The following DRP2 variants were observed in gnomAD, a reference collection of about 807,000 sequenced individuals.
DRP2 encodes dystrophin related protein 2.
DRP2 carries 29 observed loss-of-function variants against 78.2 expected under a neutral mutation model. That is an observed-to-expected ratio of 0.37 (90% confidence interval 0.28 to 0.51). DRP2 has a LOEUF of 0.51. DRP2 is among the 20% of genes least tolerant of loss of function. The pLI, the probability that DRP2 is intolerant of heterozygous loss-of-function variation, is 0.94. For synonymous variants in DRP2, 290 were observed against 281.9 expected, an observed-to-expected ratio of 1.03 and a Z score of -0.29; for missense variants, 686 against 770.6, an observed-to-expected ratio of 0.89 and a Z score of 1.30.
chrX:101,260,671 C>G lies in DRP2; in HGVS notation c.*50C>G, dbSNP rs370377113. 8.6e-7 allele frequency: 1 copy of G among 1,163,380 alleles called. No homozygotes were observed. The highest frequency in any genetic ancestry group is 1.8e-5 in the African/African-American group (1 of 55,732). ...TTCATAGTCCTCTCCTGGTTCCGGT[C>G]AAAGCCTTTCCTCAGCCTTCACCCA... On this transcript the variant is annotated 3_prime_UTR_variant, in exon 24 of 24. Coordinates refer to ENST00000395209, the MANE Select transcript of DRP2 (RefSeq NM_001939.3).
chrX:101,226,371 T>C (rs1449608354), intron 2 of DRP2, among the ~76,000 whole-genome samples: 2 of 112,192 alleles, frequency 1.8e-5, no homozygotes, highest in African/African-American at 6.5e-5. Flanking sequence ...CAAATTTAAG[T>C]AGCATATGTT....
chrX:101,256,240 C>A lies in DRP2; in HGVS notation c.2369C>A (p.Ala790Asp), dbSNP rs1171697141. The A allele has an allele frequency of 8.4e-7, 1 of 1,196,338 alleles. No homozygotes were observed. The highest frequency in any genetic ancestry group is 2.3e-5 in the Admixed American group (1 of 43,619). Reference sequence around the variant, plus strand: ...AAAGGGGAGCTACAGAAGATCCTGGCCCACTTGGAAGATGAGAACCGGTGG... The same window carrying A: ...AAAGGGGAGCTACAGAAGATCCTGGACCACTTGGAAGATGAGAACCGGTGG... ...ESKGELQKILAHLEDENRILQ... is the reference protein window; with the variant it reads ...ESKGELQKILDHLEDENRILQ... Residue 790 changes from alanine (A) to aspartate (D), a missense_variant, in exon 21 of 24, where the codon GCC (alanine) becomes GAC (aspartate). Ala to Asp is a moderately radical substitution (Grantham distance 126, BLOSUM62 -2). Transcript: ENST00000395209.
Position 101,231,572 on chromosome X carries a change from A to C in DRP2, c.-63-13A>C. The C allele has an allele frequency of 1.1e-6, 1 of 887,952 alleles. No homozygotes were observed. Among genetic ancestry groups the C allele is most frequent in the East Asian group, 3.1e-5 (1 of 32,338 alleles). 73.2% of individuals were successfully genotyped at this position (887,952 alleles called of 1,213,427 possible). The stretch of plus-strand genomic sequence containing the variant: ...AGGTCTTGACTCGAAATCTCTCTGT[A>C]TTGCTTTTCCAGGTGCTTAATGATC... On this transcript the variant is annotated splice_polypyrimidine_tract_variant and intron_variant, in intron 2 of 23. Transcript: ENST00000395209.
intron 6 of DRP2, 86 bp from the exon 7 acceptor site, chrX:101,241,582 A>G: frequency 9.4e-7 from 1 of 1,069,053 alleles, no homozygotes; most frequent in Non-Finnish European, 1.3e-6. Context: ...ACATACACAC[A>G]CATTTTATAA....
chrX:101,235,875 A>C lies in DRP2; in HGVS notation c.133A>C (p.Thr45Pro), dbSNP rs1422723109. Reference protein sequence around the residue: ...CPHPQVRAAVTSPAPPQDGAG... With the variant: ...CPHPQVRAAVPSPAPPQDGAG... ...TTCTGTCCAGGTTAGAGCTGCTGTC[A>C]CCAGCCCTGCACCTCCTCAAGATGG... The change falls in exon 4 of 24, where the codon ACC becomes CCC. Residue 45 changes from threonine (T) to proline (P), a missense_variant. By Grantham distance (38) the Thr-to-Pro change is conservative. Transcript: ENST00000395209. 1 of 1,208,445 alleles carries C rather than the reference A, an allele frequency of 8.3e-7. No homozygotes were observed. The highest frequency in any genetic ancestry group is 3.0e-5 in the East Asian group (1 of 33,753).
chrX:101,246,777 A>G (rs1922948454), intron 11 of DRP2, among the ~76,000 whole-genome samples: 1 of 112,667 alleles, frequency 8.9e-6, no homozygotes, highest in African/African-American at 3.2e-5. Flanking sequence ...ATATACATGT[A>G]TACTATAAAA....
At chrX:101,239,122 C>T in intron 6 of DRP2, 21 bp downstream of exon 6, 1 of 1,202,941 alleles carries the variant, frequency 8.3e-7, no homozygotes. Context: ...TTCTGTTTTT[C>T]CCACTTCTTC....
rs1923574583 is a variant in DRP2, at chrX:101,262,101, TG to T, written c.*1481del. ...AGTATTAATGTTCTGCCTTGCTCTT[TG>T]TTAGCCCCAGCCTCTGGTTGGAAAG... On this transcript the variant is annotated 3_prime_UTR_variant, in exon 24 of 24. Transcript: ENST00000395209. 1 of 112,347 alleles carries T rather than the reference TG, an allele frequency of 8.9e-6. No homozygotes were observed. Among genetic ancestry groups the T allele is most frequent in the South Asian group, 3.7e-4 (1 of 2,692 alleles). The allele number at this position is 112,347 out of a possible 1,213,427, so 9.3% of individuals were successfully genotyped here.
intron 4 of DRP2, among the ~76,000 whole-genome samples, chrX:101,236,579 G>A (rs1376674742): frequency 4.5e-5 from 5 of 111,824 alleles, no homozygotes; most frequent in Admixed American, 3.8e-4. Flanking sequence ...TCAGTTGATC[G>A]GCTTTCCCTA....
At chrX:101,237,920 A>C in intron 5 of DRP2, 145 bp downstream of exon 5, 1 of 568,990 alleles carries the variant, frequency 1.8e-6, no homozygotes. Flanking sequence ...TGTGGCTAGC[A>C]TGCCACAGCC....
chrX:101,259,796 C>A (rs962951264), intron 22 of DRP2, among the ~76,000 whole-genome samples: 11 of 112,299 alleles, frequency 9.8e-5, no homozygotes, highest in African/African-American at 3.2e-4. Flanking sequence ...CCGCGCCCAG[C>A]CTACAATGCC....
At chrX:101,242,535 C>G (rs1415062737) in intron 8 of DRP2, 64 bp downstream of exon 8, 1 of 1,138,179 alleles carries the variant, frequency 8.8e-7, no homozygotes, top group Non-Finnish European at 1.2e-6. Context: ...TTGGGGGAAA[C>G]TTCTTCAGGG....
chrX:101,240,932 A>G (rs1439483448), intron 6 of DRP2, among the ~76,000 whole-genome samples: 4 of 111,730 alleles, frequency 3.6e-5, no homozygotes, highest in Admixed American at 1.9e-4. Context: ...AAATCTACAG[A>G]TTAGGAGCCT....
intron 1 of DRP2, among the ~76,000 whole-genome samples, chrX:101,222,162 C>T (rs925894699): frequency 9.0e-6 from 1 of 110,928 alleles, no homozygotes; most frequent in African/African-American, 3.3e-5. Flanking sequence ...GTGTATGTAA[C>T]GCATATTAAA....
rs993088619 is a variant in DRP2, at chrX:101,251,341, G to A, written c.1865+258G>A. 9 of 250,761 alleles carry A rather than the reference G, an allele frequency of 3.6e-5. No individual in the cohort carries two copies. In the Admixed American group the frequency reaches 5.7e-4, roughly 16 times the overall value. The allele number at this position is 250,761 out of a possible 1,213,427, so 20.7% of individuals were successfully genotyped here. A position where few individuals can be genotyped will look rare whatever the true frequency, so the allele number is the denominator to read the frequency against. ...AATGTATAGAAGAACATAGGTGTAA[G>A]AGCACCTATGTACTAAATGGTATGC... On this transcript the variant is annotated intron_variant, in intron 16 of 23. Coordinates refer to ENST00000395209, the MANE Select transcript of DRP2 (RefSeq NM_001939.3).
At chrX:101,255,290 C>T (rs1923298231) in intron 20 of DRP2, 41 bp downstream of exon 20, 1 of 1,158,677 alleles carries the variant, frequency 8.6e-7, no homozygotes, top group Non-Finnish European at 1.2e-6. Context: ...AATAGTTCTC[C>T]TTGAGATCTT....
rs749115813 is a variant in DRP2 at position 101,258,510 on chromosome X, G to A, written c.2592G>A (p.Glu864=). Residue 864 remains glutamate, a synonymous_variant, in exon 22 of 24, where the codon GAG becomes GAA. Transcript: ENST00000395209. The stretch of plus-strand genomic sequence containing the variant: ...TCGAAGATCACAACAAGCAGCTAGA[G>A]TCCCAGCTGCAGCGTCTGAGGGAGC... ...QILEDHNKQL[E]SQLQRLRELL... 5.9e-6 allele frequency: 7 copies of A among 1,188,032 alleles called. No individual in the cohort carries two copies. Among genetic ancestry groups the A allele is most frequent in the East Asian group, 3.1e-5 (1 of 32,662 alleles).
At position 101,223,683 on chromosome X, in the gene DRP2, G is replaced by T. The variant is rs368731571; in HGVS notation, c.-166-921G>T. 7.1e-5 allele frequency among the ~76,000 whole-genome samples: 8 copies of T among 112,376 alleles called. No individual in the cohort carries two copies. In the South Asian group the frequency reaches 1.5e-3, roughly 21 times the overall value. Reference sequence around the variant, plus strand: ...TTTATTGCATTAATTGGCTCTTAGAGTTTTCTCCCATGGGGATGCATCTCT... The same window carrying T: ...TTTATTGCATTAATTGGCTCTTAGATTTTTCTCCCATGGGGATGCATCTCT... On this transcript the variant is annotated intron_variant, in intron 1 of 23. Transcript: ENST00000395209.
intron 1 of DRP2, among the ~76,000 whole-genome samples, chrX:101,220,941 T>G (rs773744742): frequency 6.4e-4 from 72 of 111,842 alleles, no homozygotes; most frequent in Non-Finnish European, 1.1e-3. Context: ...TATCACCTTC[T>G]GCTCTCACCA....
Sources: allele counts gnomAD v4.1 joint callset (sites outside exome capture counted in the v4.1 genomes callset), GRCh38; gene constraint gnomAD v4.1.1; transcripts MANE v1.5; gene names NCBI Gene and HGNC (gene_info 2026-07-23, HGNC 2026-07-21).